BMAL1: variants seen among roughly 807,000 people sequenced by gnomAD.
BMAL1 encodes the protein basic helix-loop-helix ARNT-like protein 1.
the BMAL1 span, chr11:13,375,685 A>G: frequency 1.9e-6 from 3 of 1,605,930 alleles, no homozygotes; most frequent in Non-Finnish European, 2.5e-6. Context: ...TTATCACACT[A>G]CGGAGTCGAT....
the BMAL1 span, chr11:13,376,920 A>AT: frequency 3.4e-6 from 2 of 587,284 alleles, no homozygotes; most frequent in African/African-American, 3.8e-5. Flanking sequence ...TTGAGCCGGA[A>AT]TACTAGGAGC....
the BMAL1 span, among the ~76,000 whole-genome samples, chr11:13,283,604 C>G: frequency 6.6e-6 from 1 of 152,280 alleles, no homozygotes; most frequent in African/African-American, 2.4e-5. Flanking sequence ...AGGAAACACC[C>G]CGTTATATCC....
At chr11:13,300,151 C>T in the BMAL1 span, among the ~76,000 whole-genome samples, 5 of 152,310 alleles carry the variant, frequency 3.3e-5, 1 homozygote, top group Admixed American at 1.3e-4. Flanking sequence ...ATGGGCCCCT[C>T]GTCTTCCCTA....
chr11:13,348,647 C>A, the BMAL1 span, among the ~76,000 whole-genome samples: 1 of 152,102 alleles, frequency 6.6e-6, no homozygotes, highest in Non-Finnish European at 1.5e-5. Context: ...CTATATTAAG[C>A]CTGGGGATTT....
the BMAL1 span, among the ~76,000 whole-genome samples, chr11:13,374,392 C>T: frequency 1.3e-5 from 2 of 152,140 alleles, no homozygotes; most frequent in Non-Finnish European, 2.9e-5. Context: ...TTGTAGTTGC[C>T]CTGTGCTGAC....
At chr11:13,292,420 G>A in the BMAL1 span, among the ~76,000 whole-genome samples, 3 of 151,490 alleles carry the variant, frequency 2.0e-5, no homozygotes, top group Non-Finnish European at 1.5e-5. Flanking sequence ...AGTGGCGGGC[G>A]CCTGTAATCC....
At chr11:13,342,138 C>G in the BMAL1 span, among the ~76,000 whole-genome samples, 30 of 152,336 alleles carry the variant, frequency 2.0e-4, no homozygotes, top group African/African-American at 7.2e-4. Flanking sequence ...CCAGGTAAAG[C>G]AGAGCATCTC....
At chr11:13,380,789 T>C in the BMAL1 span, 3 of 166,916 alleles carry the variant, frequency 1.8e-5, no homozygotes, top group Non-Finnish European at 3.9e-5. Flanking sequence ...GGCCACTTAC[T>C]TGAAATTCAC....
the BMAL1 span, among the ~76,000 whole-genome samples, chr11:13,343,051 A>G: frequency 1.5e-3 from 229 of 152,308 alleles, 2 homozygotes; most frequent in African/African-American, 5.2e-3. Flanking sequence ...ACTTTTCACC[A>G]CAACTGTGAG....
chr11:13,386,972 T>C, the BMAL1 span: 3 of 465,654 alleles, frequency 6.4e-6, no homozygotes, highest in Non-Finnish European at 1.1e-5. Context: ...TCATTGATTA[T>C]TGGGCTAGCT....
chr11:13,298,291 A>T, the BMAL1 span, among the ~76,000 whole-genome samples: 2 of 151,990 alleles, frequency 1.3e-5, no homozygotes, highest in East Asian at 1.9e-4. Flanking sequence ...TTCCTGTTTA[A>T]GCTCTCCCTA....
the BMAL1 span, chr11:13,355,174 G>GA: frequency 2.0e-6 from 3 of 1,520,424 alleles, no homozygotes; most frequent in South Asian, 3.5e-5. Context: ...TTTAATGAGG[G>GA]AAAATCTCCG....
chr11:13,380,541 T>C, the BMAL1 span: 4 of 152,246 alleles, frequency 2.6e-5, no homozygotes, highest in Admixed American at 1.3e-4. Context: ...CTGAGAGATA[T>C]GCTAGATAAG....
the BMAL1 span, among the ~76,000 whole-genome samples, chr11:13,314,618 A>G: frequency 2.6e-5 from 4 of 152,314 alleles, no homozygotes; most frequent in South Asian, 8.3e-4. Context: ...TCAAAATGAA[A>G]AATAATCCAT....
At chr11:13,302,262 C>T in the BMAL1 span, among the ~76,000 whole-genome samples, 1 of 152,140 alleles carries the variant, frequency 6.6e-6, no homozygotes, top group East Asian at 1.9e-4. Context: ...GCTGTGAGGG[C>T]CTCGGGAGAG....
At chr11:13,380,052 T>A in the BMAL1 span, 1 of 152,174 alleles carries the variant, frequency 6.6e-6, no homozygotes, top group Non-Finnish European at 1.5e-5. Context: ...GAGAAATCAA[T>A]CATCTAAGGT....
chr11:13,374,186 G>A, the BMAL1 span: 1 of 1,613,706 alleles, frequency 6.2e-7, no homozygotes, highest in Non-Finnish European at 8.5e-7. Context: ...ACATCTTGCA[G>A]AATGTCATAG....
chr11:13,357,753 G>C, the BMAL1 span, among the ~76,000 whole-genome samples: 20 of 152,358 alleles, frequency 1.3e-4, no homozygotes, highest in African/African-American at 4.6e-4. This position sits in a 1 kb window ranked among gnomAD's most constrained non-coding sequence, Gnocchi z 4.8. Context: ...GGCAGCTGCA[G>C]CAAACTACAT....
At chr11:13,354,110 C>CATA in the BMAL1 span, among the ~76,000 whole-genome samples, 1 of 152,164 alleles carries the variant, frequency 6.6e-6, no homozygotes, top group African/African-American at 2.4e-5. Context: ...ATATGATGCT[C>CATA]TTTCCATTCT....
Sources: gnomAD v4.1 joint callset for allele counts (sites outside exome capture counted in the v4.1 genomes callset) on GRCh38, gnomAD v4.1.1 for gene constraint, Gnocchi (gnomAD v3.1) non-coding constraint, MANE v1.5 for transcripts, NCBI Gene and HGNC (gene_info 2026-07-23, HGNC 2026-07-21) for gene names.